The following DAB2IP variants were observed in gnomAD, a reference collection of about 807,000 sequenced individuals.
The protein encoded by DAB2IP is DAB2 interacting protein.
Under a neutral mutation model 107.2 loss-of-function variants are expected in DAB2IP, and 28 were observed. The observed-to-expected ratio is 0.26, with a 90% CI of 0.19 to 0.36. The LOEUF (loss-of-function observed/expected upper bound fraction) is 0.36. DAB2IP is among the 10% of genes least tolerant of loss of function. The pLI, the probability that DAB2IP is intolerant of heterozygous loss-of-function variation, is 1.00. For synonymous variants in DAB2IP, 755 were observed against 706.4 expected, an observed-to-expected ratio of 1.07 and a Z score of -1.09; for missense variants, 1,400 against 1,644.7, an observed-to-expected ratio of 0.85 and a Z score of 2.57.
chr9:121,682,270 C>T (rs544344996), intron 2 of DAB2IP, among the ~76,000 whole-genome samples: 3 of 152,312 alleles, frequency 2.0e-5, no homozygotes, highest in South Asian at 4.1e-4. Flanking sequence ...GGTTTTGCCT[C>T]GGGGAGGCAG....
chr9:121,681,264 C>T (rs548588721), intron 2 of DAB2IP, among the ~76,000 whole-genome samples: 1 of 152,290 alleles, frequency 6.6e-6, no homozygotes, highest in East Asian at 1.9e-4. Flanking sequence ...CCCCACACCC[C>T]CCCAGAACCC....
At chr9:121,582,317 G>C (rs1473501419) in intron 1 of DAB2IP, among the ~76,000 whole-genome samples, 1 of 152,112 alleles carries the variant, frequency 6.6e-6, no homozygotes, top group Admixed American at 6.5e-5. Context: ...GGCCAGGGTG[G>C]GATGAGCAGC....
At chr9:121,735,965 C>T (rs190362309) in intron 3 of DAB2IP, among the ~76,000 whole-genome samples, 2 of 152,364 alleles carry the variant, frequency 1.3e-5, no homozygotes, top group African/African-American at 4.8e-5. Context: ...CAGCCTGTCT[C>T]CTCCTTCCCT....
At chr9:121,597,965 C>T (rs1830563605) in intron 1 of DAB2IP, among the ~76,000 whole-genome samples, 1 of 152,204 alleles carries the variant, frequency 6.6e-6, no homozygotes, top group African/African-American at 2.4e-5. Flanking sequence ...TTCTGGGAGG[C>T]TCTTCCCAGT....
At chr9:121,694,234 G>C (rs1383919333) in intron 2 of DAB2IP, among the ~76,000 whole-genome samples, 1 of 152,098 alleles carries the variant, frequency 6.6e-6, no homozygotes. Flanking sequence ...CCCATCCCAG[G>C]GGCCAGAACT....
intron 1 of DAB2IP, among the ~76,000 whole-genome samples, chr9:121,663,665 A>C (rs967786660): frequency 1.1e-4 from 17 of 152,196 alleles, no homozygotes; most frequent in Non-Finnish European, 8.8e-5. Flanking sequence ...TGGCCTCAGG[A>C]CACTGTACCT....
At chr9:121,669,012 T>C (rs1398946783) in intron 1 of DAB2IP, among the ~76,000 whole-genome samples, 1 of 147,312 alleles carries the variant, frequency 6.8e-6, no homozygotes, top group South Asian at 2.2e-4. Context: ...ACCTCCCAGG[T>C]TCAAGCAATT....
At chr9:121,709,896 A>C (rs1830249918) in intron 3 of DAB2IP, among the ~76,000 whole-genome samples, 1 of 152,134 alleles carries the variant, frequency 6.6e-6, no homozygotes, top group Non-Finnish European at 1.5e-5. Flanking sequence ...ATCCACAGCC[A>C]GGGCCCTCTC....
chr9:121,704,154 C>T (rs541850366), intron 3 of DAB2IP, among the ~76,000 whole-genome samples: 2 of 152,258 alleles, frequency 1.3e-5, no homozygotes, highest in South Asian at 4.1e-4. Context: ...TCTTTGCCTA[C>T]ATTTCTGATT....
chr9:121,768,174 A>C lies in DAB2IP; in HGVS notation c.1698-258A>C, dbSNP rs533839098. On this transcript the variant is annotated intron_variant, in intron 9 of 15. Coordinates refer to ENST00000408936, the Ensembl canonical transcript of DAB2IP. The stretch of plus-strand genomic sequence containing the variant: ...AAACTTGGAGGAAAAGCCGAAGGAC[A>C]CTGTTAACAGGCAGTGTATGGGGGA... 1.4e-3 allele frequency among the ~76,000 whole-genome samples: 219 copies of C among 152,306 alleles called. 1 individual carries two copies. Among genetic ancestry groups the C allele is most frequent in the Non-Finnish European group, 2.2e-3 (152 of 68,024 alleles).
chr9:121,578,000 T>C (rs1404831489), intron 1 of DAB2IP, among the ~76,000 whole-genome samples: 1 of 151,368 alleles, frequency 6.6e-6, no homozygotes, highest in African/African-American at 2.4e-5. Context: ...GGCCTGTGCT[T>C]GACTGAGAAG....
intron 1 of DAB2IP, among the ~76,000 whole-genome samples, chr9:121,610,388 T>C (rs1473935638): frequency 1.3e-5 from 2 of 152,194 alleles, no homozygotes. Context: ...GCCCATTTAG[T>C]TCTCACAATA....
At chr9:121,604,631 G>C (rs1830804314) in intron 1 of DAB2IP, among the ~76,000 whole-genome samples, 1 of 152,114 alleles carries the variant, frequency 6.6e-6, no homozygotes, top group Non-Finnish European at 1.5e-5. Context: ...GCCCCTCTGG[G>C]TGTAGCACCA....
intron 14 of DAB2IP, among the ~76,000 whole-genome samples, chr9:121,777,409 G>A (rs1835283783): frequency 6.6e-6 from 1 of 152,230 alleles, no homozygotes; most frequent in Non-Finnish European, 1.5e-5. Context: ...AAACCAGGGT[G>A]GCTAGAAACC....
chr9:121,746,271 C>T (rs1383258416), intron 3 of DAB2IP, among the ~76,000 whole-genome samples: 1 of 152,204 alleles, frequency 6.6e-6, no homozygotes, highest in East Asian at 1.9e-4. Context: ...GGGCTGGTTA[C>T]TGAGGCTGTG....
chr9:121,774,221 C>T, intron 12 of DAB2IP, 39 bp from the exon 13 acceptor site: 10 of 1,535,002 alleles, frequency 6.5e-6, no homozygotes, highest in Non-Finnish European at 8.8e-6. Flanking sequence ...GCTTGCCCTC[C>T]ACCTCCCTGC....
intron 1 of DAB2IP, among the ~76,000 whole-genome samples, chr9:121,606,659 T>G (rs1830884586): frequency 6.6e-6 from 1 of 152,224 alleles, no homozygotes; most frequent in African/African-American, 2.4e-5. Flanking sequence ...TTTTTTTTCT[T>G]TGACATTCTT....
chr9:121,768,524 A>G, exon 10 of DAB2IP: 3 of 1,613,996 alleles, frequency 1.9e-6, no homozygotes, highest in Non-Finnish European at 2.5e-6. Flanking sequence ...GAGATCTCCA[A>G]CCCCGAGACC....
At chr9:121,734,207 C>G (rs1589604082) in intron 3 of DAB2IP, among the ~76,000 whole-genome samples, 1 of 144,608 alleles carries the variant, frequency 6.9e-6, no homozygotes, top group Non-Finnish European at 1.5e-5. Flanking sequence ...GAAACCCCGT[C>G]TCTACTAAAA....
Sources: allele counts gnomAD v4.1 joint callset (sites outside exome capture counted in the v4.1 genomes callset), GRCh38; gene constraint gnomAD v4.1.1; transcripts MANE v1.5; gene names NCBI Gene and HGNC (gene_info 2026-07-23, HGNC 2026-07-21).